MARCHF1: variants seen among roughly 807,000 people sequenced by gnomAD.
MARCHF1 encodes E3 ubiquitin-protein ligase MARCHF1.
A neutral mutation model predicts 54.2 loss-of-function variants in MARCHF1; 40 were observed. The ratio of observed to expected loss-of-function variants is 0.74; its 90% CI spans 0.57 to 0.96. The LOEUF (loss-of-function observed/expected upper bound fraction) is 0.96. Among genes scored for constraint, MARCHF1 ranks in the 40% least tolerant of loss-of-function variants. The pLI, the probability that MARCHF1 is intolerant of heterozygous loss-of-function variation, is 0.00. For synonymous variants in MARCHF1, 236 were observed against 236.3 expected, an observed-to-expected ratio of 1.00 and a Z score of 0.01; for missense variants, 586 against 656.5, an observed-to-expected ratio of 0.89 and a Z score of 1.17.
chr4:163,964,772 T>A (rs1362709980), intron 3 of MARCHF1, among the ~76,000 whole-genome samples: 3 of 151,970 alleles, frequency 2.0e-5, no homozygotes, highest in African/African-American at 4.8e-5. Flanking sequence ...TACTAGGATG[T>A]CCTCCAAGCA....
intron 7 of MARCHF1, among the ~76,000 whole-genome samples, chr4:163,605,398 A>G (rs1280205132): frequency 6.6e-6 from 1 of 152,202 alleles, no homozygotes; most frequent in African/African-American, 2.4e-5. Flanking sequence ...TTAACAATTC[A>G]GGAAACAACA....
At chr4:164,235,037 A>G (rs1318240789) in intron 1 of MARCHF1, 1 of 152,058 alleles carries the variant, frequency 6.6e-6, no homozygotes, top group Non-Finnish European at 1.5e-5. Flanking sequence ...TTTAGTTCCA[A>G]TTTCCCTTCC....
intron 3 of MARCHF1, among the ~76,000 whole-genome samples, chr4:163,909,669 A>G (rs1214810867): frequency 6.6e-6 from 1 of 152,304 alleles, no homozygotes; most frequent in South Asian, 2.1e-4. Flanking sequence ...AATCTAATAC[A>G]TCATACCATT....
At chr4:164,090,474 T>G (rs1271497258) in intron 2 of MARCHF1, among the ~76,000 whole-genome samples, 1 of 152,156 alleles carries the variant, frequency 6.6e-6, no homozygotes, top group African/African-American at 2.4e-5. Context: ...GGTATATCTA[T>G]AAGACATTAT....
intron 1 of MARCHF1, among the ~76,000 whole-genome samples, chr4:164,316,082 C>T (rs1734988413): frequency 6.6e-6 from 1 of 151,974 alleles, no homozygotes; most frequent in Non-Finnish European, 1.5e-5. Context: ...ACAAAATGAG[C>T]TAATATATAT....
chr4:163,573,640 A>C (rs1372130348), intron 8 of MARCHF1, among the ~76,000 whole-genome samples: 1 of 151,550 alleles, frequency 6.6e-6, no homozygotes, highest in African/African-American at 2.4e-5. Context: ...AAGGACATGA[A>C]CTCATCATTT....
At position 164,102,931 on chromosome 4, in the gene MARCHF1, C is replaced by A. The variant is rs527631605; in HGVS notation, c.-248+8657G>T. ...AAGGATGGAGGAAGATCTACCAAGC[C>A]AATGGAAAACAAAAAAAGGCAGGGG... On this transcript the variant is annotated intron_variant, in intron 2 of 9. Coordinates refer to ENST00000514618, the MANE Select transcript of MARCHF1 (RefSeq NM_001394959.1). Among the ~76,000 whole-genome samples the A allele has an allele frequency of 2.8e-3, 329 of 117,668 alleles. 2 individuals are homozygous for A. The highest frequency in any genetic ancestry group is 4.2e-3 in the South Asian group (14 of 3,368). 77.2% of individuals were successfully genotyped at this position (117,668 alleles called of 152,430 possible).
intron 3 of MARCHF1, among the ~76,000 whole-genome samples, chr4:163,963,418 T>C (rs1752379013): frequency 6.6e-6 from 1 of 151,960 alleles, no homozygotes; most frequent in African/African-American, 2.4e-5. Context: ...CGAGTTAAGA[T>C]ACATTTTACT....
At chr4:164,281,752 G>A (rs1734031786) in intron 1 of MARCHF1, among the ~76,000 whole-genome samples, 1 of 152,120 alleles carries the variant, frequency 6.6e-6, no homozygotes, top group Non-Finnish European at 1.5e-5. Flanking sequence ...GTTGACTTGA[G>A]ACCATTGTGG....
chr4:164,254,634 G>T (rs1313206715), intron 1 of MARCHF1, among the ~76,000 whole-genome samples: 1 of 152,068 alleles, frequency 6.6e-6, no homozygotes, highest in Admixed American at 6.6e-5. Context: ...TAGGCTGTCT[G>T]CAAGCTGAGG....
chr4:163,667,497 TC>T (rs1277672394), intron 5 of MARCHF1, among the ~76,000 whole-genome samples: 5 of 152,340 alleles, frequency 3.3e-5, no homozygotes, highest in African/African-American at 1.2e-4. Flanking sequence ...ACATTTATTT[TC>T]CATAATCTTC....
At chr4:164,134,322 T>G (rs558561228) in intron 1 of MARCHF1, among the ~76,000 whole-genome samples, 3 of 152,322 alleles carry the variant, frequency 2.0e-5, no homozygotes, top group African/African-American at 7.2e-5. Flanking sequence ...TAATTTTCAT[T>G]ATGCTAAAAT....
chr4:163,841,540 C>T (rs1749339405), intron 4 of MARCHF1, among the ~76,000 whole-genome samples: 1 of 152,038 alleles, frequency 6.6e-6, no homozygotes, highest in Admixed American at 6.6e-5. Flanking sequence ...TCCAGGCTTT[C>T]ATAATACAGT....
chr4:163,880,372 T>A (rs925486183), intron 3 of MARCHF1, among the ~76,000 whole-genome samples: 1 of 151,198 alleles, frequency 6.6e-6, no homozygotes, highest in African/African-American at 2.4e-5. Flanking sequence ...AATTTATAAT[T>A]GCCTTCTAAT....
At chr4:164,158,776 TACC>T (rs943719681) in intron 1 of MARCHF1, among the ~76,000 whole-genome samples, 5 of 152,202 alleles carry the variant, frequency 3.3e-5, no homozygotes, top group African/African-American at 1.2e-4. Flanking sequence ...CTATTCCTAT[TACC>T]ACATTTCTTT....
At chr4:164,157,661 C>T (rs1023696) in intron 1 of MARCHF1, among the ~76,000 whole-genome samples, 127,384 of 152,018 alleles carry the variant, frequency 0.84, 53,897 homozygotes, top group Non-Finnish European at 0.89. Flanking sequence ...TGGATCTGTG[C>T]AAGTCCAGTC....
intron 4 of MARCHF1, among the ~76,000 whole-genome samples, chr4:163,746,595 C>T (rs1338546284): frequency 6.6e-6 from 1 of 152,192 alleles, no homozygotes; most frequent in African/African-American, 2.4e-5. Context: ...AAACTGACTT[C>T]CATGATGGCT....
At chr4:164,012,945 G>A (rs1306170063) in intron 2 of MARCHF1, among the ~76,000 whole-genome samples, 1 of 152,148 alleles carries the variant, frequency 6.6e-6, no homozygotes, top group African/African-American at 2.4e-5. Context: ...CCCAGACTGT[G>A]AAGATTAGTT....
At position 163,709,533 on chromosome 4, in the gene MARCHF1, A is replaced by G. The variant is rs192711298; in HGVS notation, c.112-8670T>C. On this transcript the variant is annotated intron_variant, in intron 4 of 9. Transcript: ENST00000514618. ...AAAAATGGCAAAATTGGCCTTACTC[A>G]ACAGAGTGTATATCATAAAGGTATA... Among the ~76,000 whole-genome samples, 185 of 152,330 alleles carry G rather than the reference A, an allele frequency of 1.2e-3. 2 individuals carry two copies. The highest frequency in any genetic ancestry group is 2.1e-3 in the Non-Finnish European group (145 of 68,018).
Sources: allele counts gnomAD v4.1 joint callset (sites outside exome capture counted in the v4.1 genomes callset), GRCh38; gene constraint gnomAD v4.1.1; transcripts MANE v1.5; gene names NCBI Gene and HGNC (gene_info 2026-07-23, HGNC 2026-07-21).